Variants in TRDN observed in about 807,000 individuals in gnomAD.
TRDN encodes triadin.
Under a neutral mutation model 149.7 loss-of-function variants are expected in TRDN, and 161 were observed. That is an observed-to-expected ratio of 1.08 (90% CI 0.95 to 1.23). TRDN has a LOEUF of 1.23. Ranked by LOEUF, TRDN falls within the 50% of genes most tolerant of loss-of-function variation. The pLI is 0.00. For synonymous variants in TRDN, 294 were observed against 250.5 expected, an observed-to-expected ratio of 1.17 and a Z score of -1.64; for missense variants, 896 against 823.5, an observed-to-expected ratio of 1.09 and a Z score of -1.08.
intron 4 of TRDN, among the ~76,000 whole-genome samples, chr6:123,533,662 C>G (rs9490801): frequency 0.57 from 86,761 of 151,692 alleles, 25,685 homozygotes; most frequent in Non-Finnish European, 0.65. Flanking sequence ...GTAGCAGTAA[C>G]TGAAATGAGC....
intron 5 of TRDN, chr6:123,528,998 A>C: frequency 7.7e-7 from 1 of 1,303,588 alleles, no homozygotes; most frequent in East Asian, 3.0e-5. Flanking sequence ...TCACTGTCTT[A>C]ATTATGGAAG....
In TRDN at chr6:123,388,571, G is replaced by A. The variant is rs1480269036; in HGVS notation, c.1106-20C>T. The A allele has an allele frequency of 2.9e-5, 46 of 1,576,416 alleles. No individual in the cohort carries two copies. The highest frequency in any genetic ancestry group is 3.4e-5 in the Non-Finnish European group (39 of 1,158,708). On this transcript the variant is annotated intron_variant, in intron 13 of 40. Coordinates refer to ENST00000334268, the MANE Select transcript of TRDN (RefSeq NM_006073.4). Reference sequence around the variant, plus strand: ...CTGCTGCTGAAGTAATGAAAATAGCGTTAAGGCATATGAAATGACCATTCC... The same window carrying A: ...CTGCTGCTGAAGTAATGAAAATAGCATTAAGGCATATGAAATGACCATTCC...
chr6:123,538,696 A>T (rs74588582), intron 4 of TRDN, among the ~76,000 whole-genome samples: 2,496 of 152,252 alleles, frequency 0.016, 66 homozygotes, highest in African/African-American at 0.057. Context: ...ATTACTTGGT[A>T]AGATAAGCTG....
At chr6:123,416,698 C>CTTTTTTTTTTT (rs139842688) in intron 12 of TRDN, among the ~76,000 whole-genome samples, 3 of 146,268 alleles carry the variant, frequency 2.1e-5, no homozygotes, top group African/African-American at 2.5e-5. Flanking sequence ...TTCTTTTCCT[C>CTTTTTTTTTTT]TTTTTTTCTT....
chr6:123,259,633 C>T lies in TRDN; in HGVS notation c.1861G>A (p.Glu621Lys). The change falls in exon 35 of 41, where the codon GAA becomes AAA. Residue 621 changes from glutamate (E) to lysine (K), a missense_variant. Transcript: ENST00000334268. ...GKKKTEISEK[E>K]SKEKADMKHL... The stretch of plus-strand genomic sequence containing the variant: ...AAAATGTCATTTTTACCTTTACTTT[C>T]TTTTTCAGATATTTCAGTTTTCTTC... 1 of 1,474,910 alleles carries T rather than the reference C, an allele frequency of 6.8e-7. No homozygotes were observed. The highest frequency in any genetic ancestry group is 9.2e-7 in the Non-Finnish European group (1 of 1,091,016). 91.4% of individuals were successfully genotyped at this position (1,474,910 alleles called of 1,614,324 possible).
intron 16 of TRDN, among the ~76,000 whole-genome samples, chr6:123,381,037 G>T (rs1781698374): frequency 6.6e-6 from 1 of 152,072 alleles, no homozygotes; most frequent in African/African-American, 2.4e-5. Flanking sequence ...AATTTTCAAA[G>T]GACTGACAAC....
At chr6:123,252,340 T>G in intron 38 of TRDN, 72 bp downstream of exon 38, 1 of 955,452 alleles carries the variant, frequency 1.0e-6, no homozygotes, top group South Asian at 1.9e-5. Context: ...AATAAAAATA[T>G]TTTATGAATT....
At chr6:123,278,026 G>A (rs967843280) in intron 26 of TRDN, among the ~76,000 whole-genome samples, 2 of 152,174 alleles carry the variant, frequency 1.3e-5, no homozygotes, top group Admixed American at 1.3e-4. Flanking sequence ...CTGATTGAAT[G>A]TCTGTGTCCT....
intron 2 of TRDN, among the ~76,000 whole-genome samples, chr6:123,558,652 C>T (rs1310672147): frequency 6.6e-6 from 1 of 152,164 alleles, no homozygotes; most frequent in Non-Finnish European, 1.5e-5. Flanking sequence ...TTTTATTACC[C>T]AATCTGCTCC....
intron 4 of TRDN, among the ~76,000 whole-genome samples, chr6:123,538,557 T>C (rs1253004565): frequency 1.3e-5 from 2 of 152,150 alleles, no homozygotes; most frequent in Non-Finnish European, 2.9e-5. Context: ...TTGAAGCACC[T>C]AGTATGTGTA....
chr6:123,333,049 A>G (rs1467793990), intron 22 of TRDN, among the ~76,000 whole-genome samples: 2 of 152,024 alleles, frequency 1.3e-5, no homozygotes, highest in African/African-American at 4.8e-5. Flanking sequence ...CTATTTTTCC[A>G]TACTTCAGCA....
intron 10 of TRDN, among the ~76,000 whole-genome samples, chr6:123,456,534 T>A (rs577860415): frequency 2.6e-5 from 4 of 151,984 alleles, no homozygotes; most frequent in Admixed American, 2.6e-4. Flanking sequence ...AGTCGTGGGA[T>A]CTCGGCTCAC....
intron 38 of TRDN, among the ~76,000 whole-genome samples, chr6:123,225,467 C>A (rs1336875709): frequency 6.6e-6 from 1 of 151,454 alleles, no homozygotes; most frequent in African/African-American, 2.4e-5. Flanking sequence ...ATATTGTATG[C>A]TTGAAACTTT....
intron 12 of TRDN, among the ~76,000 whole-genome samples, chr6:123,404,102 C>T (rs1320099715): frequency 3.3e-5 from 5 of 152,118 alleles, no homozygotes; most frequent in Admixed American, 2.6e-4. Context: ...AGATAAGCCA[C>T]ACTTGATTAT....
At chr6:123,556,873 C>A (rs1305091091) in intron 2 of TRDN, among the ~76,000 whole-genome samples, 1 of 152,166 alleles carries the variant, frequency 6.6e-6, no homozygotes, top group Non-Finnish European at 1.5e-5. Flanking sequence ...GCTAAGCCAT[C>A]ATATCCCCTG....
chr6:123,482,475 A>G (rs1393959313), intron 9 of TRDN, among the ~76,000 whole-genome samples: 1 of 152,210 alleles, frequency 6.6e-6, no homozygotes, highest in African/African-American at 2.4e-5. Context: ...ATTGTGTATA[A>G]TTGATACTAT....
intron 20 of TRDN, among the ~76,000 whole-genome samples, chr6:123,354,558 A>C (rs896674256): frequency 2.6e-5 from 4 of 152,010 alleles, no homozygotes; most frequent in Middle Eastern, 3.4e-3. Context: ...ATAACATTAA[A>C]ATTGTTCATA....
chr6:123,330,357 G>T (rs1779611714), intron 23 of TRDN, among the ~76,000 whole-genome samples: 1 of 151,886 alleles, frequency 6.6e-6, no homozygotes, highest in Non-Finnish European at 1.5e-5. Context: ...TAATGTTTTG[G>T]TAAGTCCAGG....
intron 20 of TRDN, among the ~76,000 whole-genome samples, chr6:123,354,859 G>T (rs1780599381): frequency 6.6e-6 from 1 of 151,464 alleles, no homozygotes; most frequent in East Asian, 1.9e-4. Flanking sequence ...GGAAAGGATG[G>T]CCTAATTTAA....
Sources: allele counts gnomAD v4.1 joint callset (sites outside exome capture counted in the v4.1 genomes callset), GRCh38; gene constraint gnomAD v4.1.1; transcripts MANE v1.5; gene names NCBI Gene and HGNC (gene_info 2026-07-23, HGNC 2026-07-21).